Variants in FCRLB observed in about 807,000 individuals in gnomAD.
FCRLB encodes Fc receptor-like B.
In FCRLB, 34 loss-of-function variants were observed where a neutral mutation model predicts 33.6. The observed-to-expected ratio is 1.01, with a 90% CI of 0.77 to 1.35. The LOEUF (loss-of-function observed/expected upper bound fraction) is 1.35, where lower values mean the gene tolerates loss of function less well. Ranked by LOEUF, FCRLB falls within the 40% of genes most tolerant of loss-of-function variation. The pLI, the probability that FCRLB is intolerant of heterozygous loss-of-function variation, is 0.00. For missense variants in FCRLB, 560 were observed against 580.2 expected, an observed-to-expected ratio of 0.97 and a Z score of 0.36; for synonymous variants, 280 against 255.9, an observed-to-expected ratio of 1.09 and a Z score of -0.90.
At chr1:161,722,965 T>G (rs1293710486) in intron 3 of FCRLB, 24 bp from the exon 4 acceptor site, 1 of 1,613,416 alleles carries the variant, frequency 6.2e-7, no homozygotes, top group South Asian at 1.1e-5. Context: ...TTCTCCTTCC[T>G]CTTCCTTCTT....
At chr1:161,722,443 G>A (rs1041826228) in intron 2 of FCRLB, among the ~76,000 whole-genome samples, 2 of 152,202 alleles carry the variant, frequency 1.3e-5, no homozygotes, top group Admixed American at 6.5e-5. Context: ...TGAGCTGTGA[G>A]GTGGCTGTAG....
exon 2 of FCRLB, chr1:161,721,826 C>T (rs1197086137): frequency 2.0e-5 from 3 of 152,184 alleles, no homozygotes; most frequent in East Asian, 1.9e-4. Context: ...TCTGAGGGGC[C>T]GATGCAGTGA....
chr1:161,722,063 C>T (rs531152779), intron 2 of FCRLB, among the ~76,000 whole-genome samples: 1 of 152,126 alleles, frequency 6.6e-6, no homozygotes, highest in Non-Finnish European at 1.5e-5. Context: ...CATTTCTATC[C>T]TTGACTGGGG....
rs1323332578 is a variant in FCRLB, at chr1:161,726,104, G to A, written c.574+17G>A. 6.2e-7 allele frequency: 1 copy of A among 1,605,362 alleles called. No homozygotes were observed. The highest frequency in any genetic ancestry group is 8.5e-7 in the Non-Finnish European group (1 of 1,173,834). On this transcript the variant is annotated intron_variant, in intron 6 of 7. Transcript: ENST00000367948. This position sits in a 1 kb window ranked among gnomAD's most constrained non-coding sequence, Gnocchi z 5.2. ...CAGTGCAAGGTGGGAGAGACCAGGG[G>A]CCCCGGGAGGGAGGCAAATGAGCAT...
intron 5 of FCRLB, among the ~76,000 whole-genome samples, chr1:161,724,176 TACTC>T (rs1307633997): frequency 6.6e-6 from 1 of 152,200 alleles, no homozygotes; most frequent in Non-Finnish European, 1.5e-5. Context: ...ACTGAGCACT[TACTC>T]AAAGTTTTAT....
Position 161,727,008 on chromosome 1 carries a change from A to G in FCRLB, c.865+15A>G, listed in dbSNP as rs1264635117. On this transcript the variant is annotated intron_variant, in intron 7 of 7. Coordinates refer to ENST00000367948, the Ensembl canonical transcript of FCRLB. ...CCCGGGGCCGGGTGAGTGCCTGCACACCCTCCCGGACGCCGACCCTGGCGG... is the reference window on the plus strand; with the variant it reads ...CCCGGGGCCGGGTGAGTGCCTGCACGCCCTCCCGGACGCCGACCCTGGCGG... 1 of 1,487,622 alleles carries G rather than the reference A, an allele frequency of 6.7e-7. No homozygotes were observed. Among genetic ancestry groups the G allele is most frequent in the African/African-American group, 1.4e-5 (1 of 70,562 alleles). 92.2% of individuals were successfully genotyped at this position (1,487,622 alleles called of 1,614,324 possible). A position where few individuals can be genotyped will look rare whatever the true frequency, so the allele number is the denominator to read the frequency against.
chr1:161,725,896 A>G, exon 6 of FCRLB: 1 of 1,614,090 alleles, frequency 6.2e-7, no homozygotes, highest in Non-Finnish European at 8.5e-7. Context: ...CGCGGCTGGT[A>G]CGACAAGGTG....
chr1:161,725,890 G>C (rs959297820), exon 6 of FCRLB: 4 of 1,614,208 alleles, frequency 2.5e-6, no homozygotes, highest in Non-Finnish European at 3.4e-6. Flanking sequence ...CGCTGCCGCG[G>C]CTGGTACGAC....
chr1:161,722,927 C>T, intron 3 of FCRLB, 62 bp from the exon 4 acceptor site: 1 of 1,600,728 alleles, frequency 6.2e-7, no homozygotes, highest in East Asian at 2.2e-5. Flanking sequence ...CGTCAAGAGT[C>T]TCTCTCCTCT....
chr1:161,723,804 C>T (rs1027910304), intron 5 of FCRLB, among the ~76,000 whole-genome samples, 183 bp downstream of exon 5: 14 of 152,202 alleles, frequency 9.2e-5, no homozygotes, highest in Admixed American at 8.5e-4. Context: ...TGCAGTAAGG[C>T]ATGCCTAGCC....
chr1:161,726,351 G>C lies in FCRLB; in HGVS notation c.574+264G>C. 1.3e-6 allele frequency: 1 copy of C among 745,094 alleles called. No individual in the cohort carries two copies. Among genetic ancestry groups the C allele is most frequent in the South Asian group, 1.5e-5 (1 of 67,624 alleles). 46.2% of individuals were successfully genotyped at this position (745,094 alleles called of 1,614,324 possible). A position where few individuals can be genotyped will look rare whatever the true frequency, so the allele number is the denominator to read the frequency against. ...CCCACAGAGAGGGCAGCTCTGGCAG[G>C]GGCAGGGGCCACTGTGGGACTGGGA... On this transcript the variant is annotated intron_variant, in intron 6 of 7. Coordinates refer to ENST00000367948, the Ensembl canonical transcript of FCRLB. This position sits in a 1 kb window ranked among gnomAD's most constrained non-coding sequence, Gnocchi z 5.2.
chr1:161,723,392 T>G lies in FCRLB; in HGVS notation c.78T>G (p.Ser26=), dbSNP rs1683438106. 6 of 1,614,090 alleles carry G rather than the reference T, an allele frequency of 3.7e-6. No individual in the cohort carries two copies. The East Asian group carries it at 1.3e-4, about 36-fold the overall frequency. ...CTACTCTGGAGAAGCCCATATTGTCTCTACATCCACCTTGGACCACCATCT... is the reference window on the plus strand; with the variant it reads ...CTACTCTGGAGAAGCCCATATTGTCGCTACATCCACCTTGGACCACCATCT... Residue 26 remains serine, a synonymous_variant, in exon 5 of 8, where the codon TCT becomes TCG. Transcript: ENST00000367948.
At chr1:161,723,067 G>A (rs1444207017) in intron 4 of FCRLB, 58 bp downstream of exon 4, 5 of 1,602,908 alleles carry the variant, frequency 3.1e-6, no homozygotes, top group African/African-American at 1.3e-5. Flanking sequence ...AACCCCCTAA[G>A]TGACCTTTTC....
Position 161,726,766 on chromosome 1 carries a change from G to C in FCRLB, c.638G>C (p.Gly213Ala). 6.3e-7 allele frequency: 1 copy of C among 1,583,736 alleles called. No individual in the cohort carries two copies. Among genetic ancestry groups the C allele is most frequent in the Non-Finnish European group, 8.6e-7 (1 of 1,168,252 alleles). ...CGGGAGGCCCGCGGCGCGGCGCTGGGTGGGGTGGTGCTGCGCTGCGACACG... is the reference window on the plus strand; with the variant it reads ...CGGGAGGCCCGCGGCGCGGCGCTGGCTGGGGTGGTGCTGCGCTGCGACACG... The change falls in exon 7 of 8, where the codon GGT becomes GCT. Residue 213 changes from glycine to alanine, a missense_variant. Physicochemically the swap from Gly to Ala is moderately conservative, Grantham distance 60. Transcript: ENST00000367948. The surrounding 1 kb of genome is among the most constrained non-coding windows in gnomAD (Gnocchi z 5.2).
exon 8 of FCRLB, chr1:161,727,871 G>A: frequency 8.5e-6 from 5 of 591,394 alleles, no homozygotes; most frequent in African/African-American, 3.7e-5. Flanking sequence ...ACAGAATTCA[G>A]CAAGAAGTAG....
intron 3 of FCRLB, 73 bp downstream of exon 3, chr1:161,722,776 A>T: frequency 1.3e-6 from 2 of 1,558,388 alleles, no homozygotes; most frequent in Non-Finnish European, 1.8e-6. Flanking sequence ...TGGGGAGAGG[A>T]GGGTGGGTAT....
Position 161,726,146 on chromosome 1 carries a change from A to G in FCRLB, c.574+59A>G. On this transcript the variant is annotated intron_variant, in intron 6 of 7. Transcript: ENST00000367948. The surrounding 1 kb of genome is among the most constrained non-coding windows in gnomAD (Gnocchi z 5.2). Reference sequence around the variant, plus strand: ...AATGAGCATTGAGAAATTCTGGGACAGGAGCTCGGCGAGAAAAGAAGGGGC... The same window carrying G: ...AATGAGCATTGAGAAATTCTGGGACGGGAGCTCGGCGAGAAAAGAAGGGGC... 1 of 1,610,314 alleles carries G rather than the reference A, an allele frequency of 6.2e-7. No individual in the cohort carries two copies.
rs1217269732 is a variant in FCRLB, at chr1:161,727,003, T to G, written c.865+10T>G. 2 of 1,499,722 alleles carry G rather than the reference T, an allele frequency of 1.3e-6. No individual in the cohort carries two copies. The allele number at this position is 1,499,722 out of a possible 1,614,324, so 92.9% of individuals were successfully genotyped here. ...CAGCTCCCGGGGCCGGGTGAGTGCC[T>G]GCACACCCTCCCGGACGCCGACCCT... On this transcript the variant is annotated intron_variant, in intron 7 of 7. Transcript: ENST00000367948.
intron 5 of FCRLB, 79 bp from the exon 6 acceptor site, chr1:161,725,742 G>C: frequency 6.6e-7 from 1 of 1,506,138 alleles, no homozygotes; most frequent in Non-Finnish European, 8.9e-7. Flanking sequence ...AGAGGAGAAA[G>C]CTGGAAGGCT....
Sources: allele counts gnomAD v4.1 joint callset (sites outside exome capture counted in the v4.1 genomes callset), GRCh38; gene constraint gnomAD v4.1.1; non-coding constraint Gnocchi (gnomAD v3.1); transcripts MANE v1.5; gene names NCBI Gene and HGNC (gene_info 2026-07-23, HGNC 2026-07-21).